ETV6: variants seen among roughly 807,000 people sequenced by gnomAD.
ETV6 encodes the protein transcription factor ETV6.
A neutral mutation model predicts 51.1 loss-of-function variants in ETV6; 16 were observed. The observed-to-expected ratio is 0.31, with a 90% confidence interval of 0.21 to 0.48. The LOEUF (loss-of-function observed/expected upper bound fraction) is 0.48. Among genes scored for constraint, ETV6 ranks in the 20% least tolerant of loss-of-function variants. ETV6 has a pLI of 0.99. For missense variants in ETV6, 458 were observed against 594.8 expected (o/e 0.77, Z 2.39); for synonymous variants, 240 against 224.1 (o/e 1.07, Z -0.64).
chr12:11,848,318 G>C (rs2283337), intron 3 of ETV6, among the ~76,000 whole-genome samples: 84,416 of 152,022 alleles, frequency 0.56, 25,308 homozygotes, highest in African/African-American at 0.78. Context: ...AGCTGACAAA[G>C]AGAGGAACAA....
intron 1 of ETV6, among the ~76,000 whole-genome samples, chr12:11,712,769 G>A (rs1273258463): frequency 1.3e-5 from 2 of 152,208 alleles, no homozygotes; most frequent in Admixed American, 6.5e-5. Context: ...TCATCTAAAC[G>A]GTATCTTCAC....
At chr12:11,734,292 G>A (rs1288224348) in intron 1 of ETV6, among the ~76,000 whole-genome samples, 1 of 152,050 alleles carries the variant, frequency 6.6e-6, no homozygotes, top group African/African-American at 2.4e-5. Context: ...CACAGGTGGC[G>A]CTGCTGAGCC....
At position 11,893,831 on chromosome 12, in the gene ETV6, T is replaced by TACACAC. The variant is rs1947343614; in HGVS notation, c.*2786_*2787insCACACA. The TACACAC allele has an allele frequency of 1.6e-5, 1 of 64,154 alleles. No individual in the cohort carries two copies. Among genetic ancestry groups the TACACAC allele is most frequent in the Non-Finnish European group, 3.0e-5 (1 of 33,562 alleles). 4.0% of individuals were successfully genotyped at this position (64,154 alleles called of 1,614,324 possible). A position where few individuals can be genotyped will look rare whatever the true frequency, so the allele number is the denominator to read the frequency against. On this transcript the variant is annotated 3_prime_UTR_variant, in exon 8 of 8. Coordinates refer to ENST00000396373, the MANE Select transcript of ETV6 (RefSeq NM_001987.5). ...ATATATATATATATATATATATATATATATATATATACACACACACACACA... is the reference window on the plus strand; with the variant it reads ...ATATATATATATATATATATATATATACACACATATATATATACACACACACACACA...
In ETV6 at chr12:11,892,319, G is replaced by GCAAT. The variant is rs1010819402; in HGVS notation, c.*1276_*1279dup. On this transcript the variant is annotated 3_prime_UTR_variant, in exon 8 of 8. Transcript: ENST00000396373. ...AGGATCCCAGAGGGCAGTCTCAGTT[G>GCAAT]CAATCAGTGTGTGCCCAGCCTGGGC... 41 of 226,496 alleles carry GCAAT rather than the reference G, an allele frequency of 1.8e-4. No homozygotes were observed. The highest frequency in any genetic ancestry group is 9.5e-4 in the South Asian group (5 of 5,250). 14.0% of individuals were successfully genotyped at this position (226,496 alleles called of 1,614,324 possible). A position where few individuals can be genotyped will look rare whatever the true frequency, so the allele number is the denominator to read the frequency against.
chr12:11,661,900 G>A (rs1864106843), intron 1 of ETV6, among the ~76,000 whole-genome samples: 1 of 152,214 alleles, frequency 6.6e-6, no homozygotes, highest in Non-Finnish European at 1.5e-5. Flanking sequence ...GTCAGATGTG[G>A]CTTTGGAACA....
chr12:11,839,176 C>A lies in ETV6; in HGVS notation c.200C>A (p.Ala67Asp). The change falls in exon 3 of 8, where the codon GCC becomes GAC. Residue 67 changes from alanine to aspartate, a missense_variant. Physicochemically the swap from Ala to Asp is moderately radical, Grantham distance 126. This residue lies in a region of ETV6 where 26 missense variants were observed against 52.1 expected (regional missense o/e 0.50). Coordinates refer to ENST00000396373, the MANE Select transcript of ETV6 (RefSeq NM_001987.5). Reference sequence around the variant, plus strand: ...ATTTACTGGAGCAGGGATGACGTAGCCCAGTGGCTCAAGTGGGCTGAAAAT... The same window carrying A: ...ATTTACTGGAGCAGGGATGACGTAGACCAGTGGCTCAAGTGGGCTGAAAAT... ...QPIYWSRDDV[A>D]QWLKWAENEF... 1.9e-6 allele frequency: 3 copies of A among 1,614,228 alleles called. No homozygotes were observed. The highest frequency in any genetic ancestry group is 2.5e-6 in the Non-Finnish European group (3 of 1,180,018).
At chr12:11,855,708 C>T (rs1031712089) in intron 4 of ETV6, among the ~76,000 whole-genome samples, 5 of 152,224 alleles carry the variant, frequency 3.3e-5, no homozygotes, top group African/African-American at 9.7e-5. Flanking sequence ...CCCTCGCTTC[C>T]GTGATGGAGA....
intron 2 of ETV6, among the ~76,000 whole-genome samples, chr12:11,770,098 A>G (rs1445162572): frequency 6.6e-6 from 1 of 152,160 alleles, no homozygotes; most frequent in Non-Finnish European, 1.5e-5. Flanking sequence ...AGTTTGAGTT[A>G]TATCATCTTC....
At chr12:11,761,045 C>T (rs369538325) in intron 2 of ETV6, among the ~76,000 whole-genome samples, 2 of 151,954 alleles carry the variant, frequency 1.3e-5, no homozygotes, top group African/African-American at 2.4e-5. Flanking sequence ...ACCACTTGCC[C>T]GAGGTCACCC....
At chr12:11,671,939 GAA>G (rs11358074) in intron 1 of ETV6, among the ~76,000 whole-genome samples, 33 of 146,324 alleles carry the variant, frequency 2.3e-4, no homozygotes, top group South Asian at 8.6e-4. Context: ...TAGGTCATGT[GAA>G]AAAAAAAAAC....
chr12:11,875,274 A>G (rs1458100783), intron 5 of ETV6, among the ~76,000 whole-genome samples: 2 of 152,206 alleles, frequency 1.3e-5, no homozygotes, highest in African/African-American at 4.8e-5. Flanking sequence ...GCTAGTGTTT[A>G]TGGGAGAGAG....
chr12:11,828,246 T>C (rs912977159), intron 2 of ETV6, among the ~76,000 whole-genome samples: 1 of 152,170 alleles, frequency 6.6e-6, no homozygotes, highest in African/African-American at 2.4e-5. Flanking sequence ...TGTACGTAAA[T>C]TAAGGTTATT....
chr12:11,699,023 T>G (rs1864928776), intron 1 of ETV6, among the ~76,000 whole-genome samples: 1 of 152,224 alleles, frequency 6.6e-6, no homozygotes, highest in South Asian at 2.1e-4. Context: ...TCTGAAGATC[T>G]CTCCATTAGA....
chr12:11,705,670 CATA>C (rs1326340478), intron 1 of ETV6, among the ~76,000 whole-genome samples: 1 of 152,108 alleles, frequency 6.6e-6, no homozygotes, highest in Admixed American at 6.5e-5. Context: ...TAGAAGAAAA[CATA>C]ATAAAAACAG....
At chr12:11,867,688 C>G (rs947632001) in intron 4 of ETV6, among the ~76,000 whole-genome samples, 7 of 152,154 alleles carry the variant, frequency 4.6e-5, no homozygotes, top group Admixed American at 2.6e-4. Flanking sequence ...TTTATGTGTT[C>G]TTCATATATG....
chr12:11,798,036 C>G (rs1945702663), intron 2 of ETV6, among the ~76,000 whole-genome samples: 1 of 152,190 alleles, frequency 6.6e-6, no homozygotes, highest in Non-Finnish European at 1.5e-5. Flanking sequence ...TTGAGATTAT[C>G]TTTCCAAGGA....
chr12:11,656,291 T>C (rs1863998043), intron 1 of ETV6, among the ~76,000 whole-genome samples: 1 of 152,226 alleles, frequency 6.6e-6, no homozygotes, highest in Non-Finnish European at 1.5e-5. Flanking sequence ...GAATCTCTAC[T>C]GTGGGACTCT....
chr12:11,790,400 G>A (rs949912947), intron 2 of ETV6, among the ~76,000 whole-genome samples: 3 of 152,094 alleles, frequency 2.0e-5, no homozygotes, highest in African/African-American at 7.2e-5. Context: ...CTGGGTGAAC[G>A]TGCTCTCTAG....
chr12:11,734,086 A>G (rs566105743), intron 1 of ETV6, among the ~76,000 whole-genome samples: 107 of 152,304 alleles, frequency 7.0e-4, no homozygotes, highest in African/African-American at 2.5e-3. Flanking sequence ...GGCTACTTCT[A>G]TTGCAGCATC....
Sources: gnomAD v4.1 joint callset for allele counts (sites outside exome capture counted in the v4.1 genomes callset) on GRCh38, gnomAD v4.1.1 for gene constraint, gnomAD v4.1.1 regional missense constraint, MANE v1.5 for transcripts, NCBI Gene and HGNC (gene_info 2026-07-23, HGNC 2026-07-21) for gene names.